CDH13: variants seen among roughly 807,000 people sequenced by gnomAD.
CDH13 encodes the protein cadherin-13.
Under a neutral mutation model 63.8 loss-of-function variants are expected in CDH13, and 24 were observed. The observed-to-expected ratio is 0.38, with a 90% CI of 0.27 to 0.53. The LOEUF is 0.53. CDH13 is among the 20% of genes least tolerant of loss of function. The probability of loss-of-function intolerance (pLI) is 0.85; values close to 1 mark genes in which losing one functional copy is unlikely to be tolerated. For missense variants in CDH13, 1,049 were observed against 903.1 expected (o/e 1.16, Z -2.07); for synonymous variants, 503 against 355.3 (o/e 1.42, Z -4.67).
chr16:83,602,432 T>A (rs1907938685), intron 7 of CDH13, 22 bp from the exon 8 acceptor site: 1 of 1,613,574 alleles, frequency 6.2e-7, no homozygotes. Flanking sequence ...TCATATTATT[T>A]CTTTGTGCTT....
chr16:83,056,351 A>G (rs1597237954), intron 3 of CDH13, among the ~76,000 whole-genome samples: 1 of 152,316 alleles, frequency 6.6e-6, no homozygotes, highest in East Asian at 1.9e-4. Context: ...CTTACAAGAA[A>G]GTCCAGAATA....
In CDH13 at chr16:83,334,341, C is replaced by CCTCT. The variant is rs370037527; in HGVS notation, c.637-10503_637-10500dup. On this transcript the variant is annotated intron_variant, in intron 5 of 13. Coordinates refer to ENST00000567109, the MANE Select transcript of CDH13 (RefSeq NM_001257.5). ...CCCTATCTCCCTCTCTCCCTTTCTC[C>CCTCT]CTCTCTCTCTCTCTCTCTCTCACAC... Among the ~76,000 whole-genome samples, 1,062 of 109,128 alleles carry CCTCT rather than the reference C, an allele frequency of 9.7e-3. 23 individuals carry two copies. Among genetic ancestry groups the CCTCT allele is most frequent in the African/African-American group, 0.024 (622 of 25,784 alleles). 71.6% of individuals were successfully genotyped at this position (109,128 alleles called of 152,430 possible).
chr16:82,770,803 G>T (rs2035232306), intron 1 of CDH13, among the ~76,000 whole-genome samples: 1 of 152,150 alleles, frequency 6.6e-6, no homozygotes. Context: ...CGCCTCCCAA[G>T]TTCAAGCAAT....
intron 12 of CDH13, among the ~76,000 whole-genome samples, chr16:83,780,786 G>C (rs1915461844): frequency 6.6e-6 from 1 of 152,174 alleles, no homozygotes; most frequent in African/African-American, 2.4e-5. Flanking sequence ...CCCAGTCTCA[G>C]ACCTTGAAAA....
chr16:83,122,887 C>T (rs1349866251), intron 3 of CDH13, among the ~76,000 whole-genome samples: 5 of 152,064 alleles, frequency 3.3e-5, no homozygotes, highest in African/African-American at 4.8e-5. Flanking sequence ...AAAGAGTGAA[C>T]GTTGTACCCA....
At chr16:83,570,589 A>G (rs1157468479) in intron 7 of CDH13, among the ~76,000 whole-genome samples, 3 of 151,796 alleles carry the variant, frequency 2.0e-5, no homozygotes, top group East Asian at 1.9e-4. Flanking sequence ...AGTGTATGCA[A>G]TCACTGGAAA....
chr16:83,729,415 G>T (rs1249169873), intron 10 of CDH13, among the ~76,000 whole-genome samples: 1 of 152,072 alleles, frequency 6.6e-6, no homozygotes, highest in African/African-American at 2.4e-5. Flanking sequence ...AATTTTATTT[G>T]CAAAACAAAT....
At chr16:82,954,763 A>C (rs75413888) in intron 2 of CDH13, 1 of 151,902 alleles carries the variant, frequency 6.6e-6, no homozygotes, top group Non-Finnish European at 1.5e-5. Context: ...AAAAAAAAAA[A>C]ACACTATCCT....
intron 5 of CDH13, among the ~76,000 whole-genome samples, chr16:83,335,120 C>A (rs2090565898): frequency 6.6e-6 from 1 of 152,136 alleles, no homozygotes; most frequent in African/African-American, 2.4e-5. Flanking sequence ...TATAAATAAA[C>A]AATATAGTAT....
intron 1 of CDH13, chr16:82,639,552 C>T (rs912942042): frequency 2.4e-6 from 2 of 817,488 alleles, no homozygotes; most frequent in African/African-American, 3.4e-5. Flanking sequence ...GTCAGTGCTT[C>T]CTGCAAGCTA....
chr16:82,687,984 T>A (rs1915254593), intron 1 of CDH13, among the ~76,000 whole-genome samples: 1 of 152,168 alleles, frequency 6.6e-6, no homozygotes. Context: ...ATTGCCACAA[T>A]GAAACATGGC....
intron 8 of CDH13, among the ~76,000 whole-genome samples, chr16:83,624,841 A>G (rs1177245529): frequency 6.6e-6 from 1 of 152,086 alleles, no homozygotes; most frequent in Non-Finnish European, 1.5e-5. Context: ...TCAAAGCTAC[A>G]TTTCCCATCT....
intron 1 of CDH13, among the ~76,000 whole-genome samples, chr16:82,772,070 A>T (rs1021034781): frequency 6.6e-6 from 1 of 152,192 alleles, no homozygotes; most frequent in Non-Finnish European, 1.5e-5. Context: ...AAAGACACAG[A>T]TGCCCTTGAT....
intron 7 of CDH13, among the ~76,000 whole-genome samples, chr16:83,549,195 A>T (rs1477295392): frequency 2.0e-5 from 3 of 152,124 alleles, no homozygotes; most frequent in Non-Finnish European, 4.4e-5. Flanking sequence ...ACAAGCTGTG[A>T]TGGAGTCCTT....
intron 13 of CDH13, among the ~76,000 whole-genome samples, chr16:83,784,572 C>T (rs866799709): frequency 1.4e-5 from 2 of 146,208 alleles, no homozygotes; most frequent in African/African-American, 5.1e-5. Context: ...GCGGAGGTTG[C>T]AGTGAGCCAA....
intron 1 of CDH13, among the ~76,000 whole-genome samples, chr16:82,845,323 C>T (rs559648947): frequency 2.2e-4 from 33 of 152,320 alleles, no homozygotes; most frequent in Non-Finnish European, 4.7e-4. Flanking sequence ...ATTAACTCCC[C>T]CTCCTTTCCC....
intron 5 of CDH13, among the ~76,000 whole-genome samples, chr16:83,228,446 A>G (rs1262538367): frequency 6.6e-6 from 1 of 152,170 alleles, no homozygotes; most frequent in Non-Finnish European, 1.5e-5. Context: ...GAGATGAAGG[A>G]AGGGACACTA....
At chr16:82,844,944 C>G (rs1000308141) in intron 1 of CDH13, among the ~76,000 whole-genome samples, 1 of 151,928 alleles carries the variant, frequency 6.6e-6, no homozygotes, top group African/African-American at 2.4e-5. Context: ...CGTGAGGCAC[C>G]GCACCTGGCC....
At chr16:83,750,099 C>A (rs998731687) in intron 11 of CDH13, among the ~76,000 whole-genome samples, 1 of 152,046 alleles carries the variant, frequency 6.6e-6, no homozygotes, top group East Asian at 1.9e-4. Context: ...AGTTTGAGAC[C>A]AGCCTGGCCA....
Sources: allele counts gnomAD v4.1 joint callset (sites outside exome capture counted in the v4.1 genomes callset), GRCh38; gene constraint gnomAD v4.1.1; transcripts MANE v1.5; gene names NCBI Gene and HGNC (gene_info 2026-07-23, HGNC 2026-07-21).